Variants in CTNNBL1 observed in about 807,000 individuals in gnomAD.
CTNNBL1 encodes the protein beta-catenin-like protein 1.
CTNNBL1 carries 31 observed loss-of-function variants against 72.7 expected under a neutral mutation model. The observed-to-expected ratio is 0.43, with a 90% CI of 0.32 to 0.58. The LOEUF (loss-of-function observed/expected upper bound fraction) is 0.58, where lower values mean the gene tolerates loss of function less well. CTNNBL1 is among the 20% of genes least tolerant of loss of function. The probability of loss-of-function intolerance (pLI) is 0.08; values close to 1 mark genes in which losing one functional copy is unlikely to be tolerated. For synonymous variants in CTNNBL1, 240 were observed against 267.3 expected, an observed-to-expected ratio of 0.90 and a Z score of 1.00; for missense variants, 534 against 725.1, an observed-to-expected ratio of 0.74 and a Z score of 3.03.
chr20:37,746,797 AT>A, intron 4 of CTNNBL1, 190 bp downstream of exon 4: 2 of 768,116 alleles, frequency 2.6e-6, no homozygotes, highest in Non-Finnish European at 4.4e-6. Context: ...CTATTAACAA[AT>A]CTTGCAAATC....
At chr20:37,830,824 T>A (rs1032782957) in intron 11 of CTNNBL1, among the ~76,000 whole-genome samples, 8 of 152,302 alleles carry the variant, frequency 5.3e-5, no homozygotes, top group East Asian at 1.9e-4. Flanking sequence ...TTTATTTTTT[T>A]AAAAAAGTGT....
intron 4 of CTNNBL1, among the ~76,000 whole-genome samples, chr20:37,755,073 C>T (rs6063552): frequency 6.6e-6 from 1 of 152,170 alleles, no homozygotes; most frequent in South Asian, 2.1e-4. Context: ...TCCCAAAGTG[C>T]TAGAATTATA....
chr20:37,719,575 T>A (rs2073022296), intron 1 of CTNNBL1, among the ~76,000 whole-genome samples: 1 of 152,226 alleles, frequency 6.6e-6, no homozygotes, highest in Admixed American at 6.5e-5. Flanking sequence ...TTAGTAAGGG[T>A]GCCCTGTAAA....
intron 5 of CTNNBL1, among the ~76,000 whole-genome samples, chr20:37,761,307 C>T (rs1292088012): frequency 6.6e-6 from 1 of 152,170 alleles, no homozygotes; most frequent in African/African-American, 2.4e-5. Flanking sequence ...TGTGGACTGC[C>T]AGGGGACTAC....
At chr20:37,713,898 T>C (rs188262572) in intron 1 of CTNNBL1, among the ~76,000 whole-genome samples, 3 of 152,312 alleles carry the variant, frequency 2.0e-5, no homozygotes, top group East Asian at 1.9e-4. Flanking sequence ...GTTCGACTTA[T>C]GTGTGTTATC....
chr20:37,796,822 A>G (rs2073778759), intron 10 of CTNNBL1, among the ~76,000 whole-genome samples: 1 of 152,220 alleles, frequency 6.6e-6, no homozygotes, highest in African/African-American at 2.4e-5. Context: ...TTCATGGTAC[A>G]TGCCTGTCTC....
chr20:37,839,357 C>T (rs745625450), intron 11 of CTNNBL1, among the ~76,000 whole-genome samples: 1 of 152,208 alleles, frequency 6.6e-6, no homozygotes, highest in Non-Finnish European at 1.5e-5. Context: ...TCTGCCATTT[C>T]TCCACGAGTA....
chr20:37,762,709 C>T (rs2073428800), intron 5 of CTNNBL1, among the ~76,000 whole-genome samples: 3 of 152,136 alleles, frequency 2.0e-5, no homozygotes, highest in African/African-American at 7.2e-5. Flanking sequence ...TTTTACTGAG[C>T]GATATCCAGA....
chr20:37,802,447 A>T (rs2073830816), intron 10 of CTNNBL1, among the ~76,000 whole-genome samples: 1 of 152,220 alleles, frequency 6.6e-6, no homozygotes, highest in African/African-American at 2.4e-5. Context: ...CATATCTGTG[A>T]ATATTCTAAA....
intron 4 of CTNNBL1, among the ~76,000 whole-genome samples, chr20:37,747,133 T>C (rs946913726): frequency 1.3e-5 from 2 of 152,156 alleles, no homozygotes; most frequent in African/African-American, 4.8e-5. Context: ...ATCCCAAGAC[T>C]TTGGGAGGCC....
At chr20:37,840,286 T>G (rs1348157630) in intron 12 of CTNNBL1, 87 bp downstream of exon 12, 12 of 990,998 alleles carry the variant, frequency 1.2e-5, no homozygotes, top group South Asian at 4.1e-5. Flanking sequence ...CTGGGTTGAG[T>G]GGTCCTACCC....
chr20:37,802,903 GC>G lies in CTNNBL1; in HGVS notation c.1069del (p.Leu357TrpfsTer5), dbSNP rs1365481641. On this transcript the variant is annotated frameshift_variant, in exon 11 of 16. Transcript: ENST00000361383. LOFTEE classifies it high-confidence loss of function. Reference protein sequence around the residue: ...KISRSSALKVLDHAMIGPEGT... With the variant: ...KISRSSALKVXDHAMIGPEGT... ...TCTCCCGGAGCAGTGCCCTGAAAGT[GC>G]TGGACCATGCCATGATTGGCCCCGA... 1 of 1,613,876 alleles carries G rather than the reference GC, an allele frequency of 6.2e-7. No homozygotes were observed. The highest frequency in any genetic ancestry group is 2.2e-5 in the East Asian group (1 of 44,886).
chr20:37,857,751 G>A (rs539918504), intron 13 of CTNNBL1, among the ~76,000 whole-genome samples: 7 of 152,298 alleles, frequency 4.6e-5, no homozygotes, highest in South Asian at 2.1e-4. Flanking sequence ...CAGAAGGAAC[G>A]GTGGCCATAA....
At chr20:37,791,103 A>T (rs2073721533) in intron 10 of CTNNBL1, among the ~76,000 whole-genome samples, 1 of 152,076 alleles carries the variant, frequency 6.6e-6, no homozygotes, top group Non-Finnish European at 1.5e-5. Flanking sequence ...TTCCTTTTTC[A>T]CTGCTGAGTA....
At chr20:37,848,930 G>A (rs145632410) in intron 13 of CTNNBL1, among the ~76,000 whole-genome samples, 68 of 152,246 alleles carry the variant, frequency 4.5e-4, no homozygotes, top group African/African-American at 1.6e-3. Flanking sequence ...CTGACTTAGC[G>A]AGTCCAAAAC....
chr20:37,787,064 C>T (rs1215310112), intron 10 of CTNNBL1, among the ~76,000 whole-genome samples: 1 of 150,816 alleles, frequency 6.6e-6, no homozygotes, highest in Non-Finnish European at 1.5e-5. Context: ...TGTTTAGTCT[C>T]TAACTATGGT....
chr20:37,784,645 C>G (rs1034287554), intron 10 of CTNNBL1, among the ~76,000 whole-genome samples: 9 of 152,182 alleles, frequency 5.9e-5, no homozygotes, highest in African/African-American at 2.2e-4. Flanking sequence ...CTTCACCCTT[C>G]CACTTTTTAA....
chr20:37,797,281 CAT>C (rs1447829850), intron 10 of CTNNBL1, among the ~76,000 whole-genome samples: 1 of 150,626 alleles, frequency 6.6e-6, no homozygotes, highest in Non-Finnish European at 1.5e-5. Context: ...AATATGATCT[CAT>C]GTGGCATTAT....
Position 37,859,902 on chromosome 20 carries a change from A to G in CTNNBL1, c.1396A>G (p.Met466Val), listed in dbSNP as rs201986512. 5.0e-6 allele frequency: 8 copies of G among 1,614,002 alleles called. No homozygotes were observed. In the East Asian group the frequency reaches 8.9e-5, roughly 18 times the overall value. Reference sequence around the variant, plus strand: ...CTAAACGTTCATTTGTTTCTAGGACATGGTCCGGCGAGGAGAGATCATCGA... The same window carrying G: ...CTAAACGTTCATTTGTTTCTAGGACGTGGTCCGGCGAGGAGAGATCATCGA... ...DKKIEGEKHD[M>V]VRRGEIIDND... The change falls in exon 14 of 16, where the codon ATG becomes GTG. Residue 466 changes from methionine (M) to valine (V), a missense_variant. Met to Val is a conservative substitution (Grantham distance 21, BLOSUM62 1). Coordinates refer to ENST00000361383, the MANE Select transcript of CTNNBL1 (RefSeq NM_030877.5).
Sources: allele counts gnomAD v4.1 joint callset (sites outside exome capture counted in the v4.1 genomes callset), GRCh38; gene constraint gnomAD v4.1.1; transcripts MANE v1.5; gene names NCBI Gene and HGNC (gene_info 2026-07-23, HGNC 2026-07-21).